Variants in HHAT observed in about 807,000 individuals in gnomAD.
The protein encoded by HHAT is hedgehog acyltransferase.
HHAT carries 47 observed loss-of-function variants against 70.8 expected under a neutral mutation model. The ratio of observed to expected loss-of-function variants is 0.66; its 90% CI spans 0.53 to 0.85. HHAT has a LOEUF of 0.85. HHAT is among the 40% of genes least tolerant of loss of function. The pLI, the probability that HHAT is intolerant of heterozygous loss-of-function variation, is 0.00. For synonymous variants in HHAT, 228 were observed against 247.6 expected (o/e 0.92, Z 0.74); for missense variants, 609 against 604.8 (o/e 1.01, Z -0.07).
chr1:210,459,590 C>A (rs1215749925), intron 7 of HHAT, among the ~76,000 whole-genome samples: 1 of 152,134 alleles, frequency 6.6e-6, no homozygotes, highest in East Asian at 1.9e-4. Context: ...CAAGAGGAAG[C>A]AGGGTGGCTG....
At chr1:210,421,197 A>G (rs554919300) in intron 7 of HHAT, among the ~76,000 whole-genome samples, 2 of 152,244 alleles carry the variant, frequency 1.3e-5, no homozygotes, top group South Asian at 4.1e-4. Context: ...AGCAAAAAGA[A>G]CAAAGCTGGA....
At chr1:210,610,961 G>C (rs1232820603) in intron 10 of HHAT, among the ~76,000 whole-genome samples, 1 of 152,096 alleles carries the variant, frequency 6.6e-6, no homozygotes, top group African/African-American at 2.4e-5. Flanking sequence ...CTCCAGACTT[G>C]TTCTTTTTGC....
intron 9 of HHAT, among the ~76,000 whole-genome samples, chr1:210,560,141 C>T (rs181135254): frequency 2.4e-4 from 37 of 152,332 alleles, no homozygotes; most frequent in Non-Finnish European, 3.2e-4. Flanking sequence ...GCATTCAGTC[C>T]TCCAATTTCT....
intron 1 of HHAT, among the ~76,000 whole-genome samples, chr1:210,331,859 C>A (rs1259844011): frequency 6.6e-6 from 1 of 151,420 alleles, no homozygotes; most frequent in African/African-American, 2.4e-5. Flanking sequence ...GTTTTGTAAC[C>A]CCTTCTATGA....
At chr1:210,635,521 G>A (rs1052023917) in intron 11 of HHAT, among the ~76,000 whole-genome samples, 4 of 152,076 alleles carry the variant, frequency 2.6e-5, no homozygotes, top group South Asian at 2.1e-4. Context: ...AGGGGGAGGC[G>A]GTGGGAAAGA....
chr1:210,540,737 G>A (rs1381903645), intron 9 of HHAT, among the ~76,000 whole-genome samples: 1 of 151,786 alleles, frequency 6.6e-6, no homozygotes, highest in Non-Finnish European at 1.5e-5. Context: ...TAGAACTCCT[G>A]GGCTCAAGTT....
intron 7 of HHAT, among the ~76,000 whole-genome samples, chr1:210,461,494 G>A (rs2093978366): frequency 1.3e-5 from 2 of 152,002 alleles, no homozygotes; most frequent in African/African-American, 2.4e-5. Flanking sequence ...TAGAGTTGGG[G>A]CTTCACCATG....
At chr1:210,433,123 T>C (rs2093292028) in intron 7 of HHAT, among the ~76,000 whole-genome samples, 3 of 151,702 alleles carry the variant, frequency 2.0e-5, no homozygotes, top group African/African-American at 7.3e-5. Flanking sequence ...ATCTCAGGAC[T>C]GGGTAACATT....
At chr1:210,489,523 G>A (rs1054514459) in intron 8 of HHAT, among the ~76,000 whole-genome samples, 6 of 152,192 alleles carry the variant, frequency 3.9e-5, no homozygotes, top group Non-Finnish European at 8.8e-5. Context: ...GCTCATAATT[G>A]TCCCCACGTT....
chr1:210,654,768 G>A (rs1024724082), intron 11 of HHAT, among the ~76,000 whole-genome samples: 1 of 152,344 alleles, frequency 6.6e-6, no homozygotes, highest in East Asian at 1.9e-4. Context: ...TAGGAAGGAG[G>A]TGGGAGGCTC....
At chr1:210,616,269 T>C (rs75101718) in intron 10 of HHAT, among the ~76,000 whole-genome samples, 2,588 of 152,340 alleles carry the variant, frequency 0.017, 75 homozygotes, top group African/African-American at 0.058. Context: ...TGTTGTACAA[T>C]AGATTACTTC....
chr1:210,544,688 A>T (rs2095467741), intron 9 of HHAT, among the ~76,000 whole-genome samples: 1 of 152,006 alleles, frequency 6.6e-6, no homozygotes, highest in Non-Finnish European at 1.5e-5. Context: ...TGTTTTTCAG[A>T]GAAGATCTAC....
chr1:210,512,605 G>A (rs1018102907), intron 8 of HHAT, among the ~76,000 whole-genome samples: 1 of 149,874 alleles, frequency 6.7e-6, no homozygotes, highest in Non-Finnish European at 1.5e-5. Context: ...CCAGGGGGTT[G>A]AGGCTGCAGT....
intron 9 of HHAT, among the ~76,000 whole-genome samples, chr1:210,531,594 G>C (rs2095315232): frequency 6.6e-6 from 1 of 152,116 alleles, no homozygotes; most frequent in Admixed American, 6.5e-5. Flanking sequence ...TTTTTCATTT[G>C]TAAGTTGGAA....
At chr1:210,524,086 G>T (rs2095206380) in intron 9 of HHAT, among the ~76,000 whole-genome samples, 1 of 152,224 alleles carries the variant, frequency 6.6e-6, no homozygotes, top group Non-Finnish European at 1.5e-5. Flanking sequence ...ATGGTTGCCA[G>T]GGGGTGGGGG....
At chr1:210,603,642 T>C (rs980297272) in intron 10 of HHAT, among the ~76,000 whole-genome samples, 2 of 152,168 alleles carry the variant, frequency 1.3e-5, no homozygotes, top group Non-Finnish European at 2.9e-5. Context: ...TTTTACAATG[T>C]GTATTTATAT....
chr1:210,619,592 A>G (rs1272573359), intron 10 of HHAT, among the ~76,000 whole-genome samples: 1 of 152,118 alleles, frequency 6.6e-6, no homozygotes, highest in African/African-American at 2.4e-5. Flanking sequence ...CCCTTTCTCA[A>G]CAGGGCTCTG....
At chr1:210,451,892 G>T (rs2148399666) in intron 7 of HHAT, among the ~76,000 whole-genome samples, 1 of 152,296 alleles carries the variant, frequency 6.6e-6, no homozygotes, top group South Asian at 2.1e-4. Context: ...TATGGAACTT[G>T]TAACCTAGAT....
At chr1:210,656,572 A>G (rs1312347033) in intron 11 of HHAT, among the ~76,000 whole-genome samples, 3 of 152,180 alleles carry the variant, frequency 2.0e-5, no homozygotes, top group Non-Finnish European at 4.4e-5. Flanking sequence ...CACGCCAGGA[A>G]GAGCAGCTAT....
Sources: allele counts gnomAD v4.1 joint callset (sites outside exome capture counted in the v4.1 genomes callset), GRCh38; gene constraint gnomAD v4.1.1; transcripts MANE v1.5; gene names NCBI Gene and HGNC (gene_info 2026-07-23, HGNC 2026-07-21).